The following FLNC variants were observed in gnomAD, a reference collection of about 807,000 sequenced individuals.
FLNC encodes the protein filamin C.
In FLNC, 91 loss-of-function variants were observed where a neutral mutation model predicts 254.3. The observed-to-expected ratio is 0.36, with a 90% CI of 0.30 to 0.43. The LOEUF (loss-of-function observed/expected upper bound fraction) is 0.43. FLNC is among the 20% of genes least tolerant of loss of function. The pLI, the probability that FLNC is intolerant of heterozygous loss-of-function variation, is 1.00. For synonymous variants in FLNC, 1,430 were observed against 1,577.2 expected, an observed-to-expected ratio of 0.91 and a Z score of 2.21; for missense variants, 2,853 against 3,802.6, an observed-to-expected ratio of 0.75 and a Z score of 6.57.
At chr7:128,853,309 G>T in intron 37 of FLNC, 160 bp from the exon 38 acceptor site, 1 of 882,092 alleles carries the variant, frequency 1.1e-6, no homozygotes, top group Non-Finnish European at 1.8e-6. Context: ...CAGACCGCCT[G>T]TCCCGTGGTG....
rs374135903 is a variant in FLNC at position 128,843,499 on chromosome 7, G to A, written c.2733G>A (p.Lys911=). Residue 911 remains lysine, a synonymous_variant, in exon 18 of 48, where the codon AAG becomes AAA. Transcript: ENST00000325888. ...ATGTGCAGTTTGCAGGGACAGCCAA[G>A]GGCGAGGTTGTGCGGGACTTTGAGA... ...KLDVQFAGTA[K]GEVVRDFEII... 4.2e-5 allele frequency: 67 copies of A among 1,614,064 alleles called. No individual in the cohort carries two copies. Among genetic ancestry groups the A allele is most frequent in the African/African-American group, 3.7e-4 (28 of 75,050 alleles).
In FLNC at chr7:128,854,771, C is replaced by G. The variant is rs2737393; in HGVS notation, c.6998-4C>G. On this transcript the variant is annotated splice_polypyrimidine_tract_variant and splice_region_variant and intron_variant, in intron 41 of 47. Transcript: ENST00000325888. ...CTGAAGTCCACTACCTTGCCTGTCC[C>G]CAGCCGAGTTCAGCATCTGGACCCG... The G allele has an allele frequency of 6.2e-7, 1 of 1,613,998 alleles. No individual in the cohort carries two copies. Among genetic ancestry groups the G allele is most frequent in the Admixed American group, 1.7e-5 (1 of 60,012 alleles).
chr7:128,851,747 G>C, intron 35 of FLNC, 119 bp downstream of exon 35: 1 of 982,306 alleles, frequency 1.0e-6, no homozygotes, highest in Non-Finnish European at 1.6e-6. Context: ...GCCCTTCAAG[G>C]TGTGAGGGGT....
chr7:128,838,155 T>C (rs1158878455), intron 6 of FLNC, 91 bp downstream of exon 6: 1 of 1,496,600 alleles, frequency 6.7e-7, no homozygotes, highest in Non-Finnish European at 9.3e-7. Context: ...ACCTCGCGCC[T>C]GCCCAGAGCC....
In FLNC at chr7:128,837,811, G is replaced by A. The variant is rs7787924; in HGVS notation, c.969+56G>A. ...TCACTTGGGATTGGAACCAGAGAGC[G>A]TGGGGCCAACAACAGGAATGGCCCG... is the stretch of plus-strand genomic sequence containing the variant. On this transcript the variant is annotated intron_variant, in intron 5 of 47. Coordinates refer to ENST00000325888, the MANE Select transcript of FLNC (RefSeq NM_001458.5). 0.062 allele frequency: 91,726 copies of A among 1,487,754 alleles called. 6,510 individuals are homozygous for A. Among genetic ancestry groups the A allele is most frequent in the East Asian group, 0.29 (11,900 of 40,930 alleles). 92.2% of individuals were successfully genotyped at this position (1,487,754 alleles called of 1,614,324 possible).
At position 128,858,759 on chromosome 7, in the gene FLNC, G is replaced by A. The variant is rs1049710835; in HGVS notation, c.*236G>A. On this transcript the variant is annotated 3_prime_UTR_variant, in exon 48 of 48. Transcript: ENST00000325888. This position sits in a 1 kb window ranked among gnomAD's most constrained non-coding sequence, Gnocchi z 6.7. ...TCCCTGGGAATGTGACATGAGGGCCGACTGGGGCCAGGCTCAGGGGCAGAG... is the reference window on the plus strand; with the variant it reads ...TCCCTGGGAATGTGACATGAGGGCCAACTGGGGCCAGGCTCAGGGGCAGAG... 144 of 569,204 alleles carry A rather than the reference G, an allele frequency of 2.5e-4. 1 individual carries two copies. Among genetic ancestry groups the A allele is most frequent in the Non-Finnish European group, 7.0e-5 (22 of 316,322 alleles). 35.3% of individuals were successfully genotyped at this position (569,204 alleles called of 1,614,324 possible).
chr7:128,830,505 C>T lies in FLNC; in HGVS notation c.-133C>T. 1.3e-6 allele frequency: 1 copy of T among 764,282 alleles called. No individual in the cohort carries two copies. The highest frequency in any genetic ancestry group is 2.1e-6 in the Non-Finnish European group (1 of 474,512). 47.3% of individuals were successfully genotyped at this position (764,282 alleles called of 1,614,324 possible). ...GAGCCTCGCCGAGCCCCGCCAGCCC[C>T]GGCGCGAGAGAAGTTGGAGAGGAGA... On this transcript the variant is annotated 5_prime_UTR_variant, in exon 1 of 48. Transcript: ENST00000325888.
chr7:128,830,495 C>A lies in FLNC; in HGVS notation c.-143C>A. The A allele has an allele frequency of 2.8e-6, 2 of 717,962 alleles. No homozygotes were observed. Among genetic ancestry groups the A allele is most frequent in the South Asian group, 1.8e-5 (1 of 54,098 alleles). The allele number at this position is 717,962 out of a possible 1,614,324, so 44.5% of individuals were successfully genotyped here. ...GAGGCCCGCCGAGCCTCGCCGAGCC[C>A]CGCCAGCCCCGGCGCGAGAGAAGTT... On this transcript the variant is annotated 5_prime_UTR_variant, in exon 1 of 48. Transcript: ENST00000325888.
At position 128,844,100 on chromosome 7, in the gene FLNC, G is replaced by A. The variant is rs375445167; in HGVS notation, c.3026G>A (p.Arg1009Gln). 1.1e-5 allele frequency: 18 copies of A among 1,613,938 alleles called. No homozygotes were observed. Among genetic ancestry groups the A allele is most frequent in the South Asian group, 3.3e-5 (3 of 91,076 alleles). ...LDVRMTSPSR[R>Q]PIPCKLEPGG... ...GTGCGGATGACTTCGCCCTCTCGCC[G>A]GCCCATCCCCTGCAAGCTGGAGCCA... The change falls in exon 20 of 48, where the codon CGG (arginine) becomes CAG (glutamine). Residue 1009 changes from arginine (R) to glutamine (Q), a missense_variant. Transcript: ENST00000325888.
Position 128,843,986 on chromosome 7 carries a change from C to CA in FLNC, c.2930-17dup. On this transcript the variant is annotated splice_polypyrimidine_tract_variant and intron_variant, in intron 19 of 47. Coordinates refer to ENST00000325888, the MANE Select transcript of FLNC (RefSeq NM_001458.5). ...GTGGACCGGAGTCTCCTCATGGTGT[C>CA]ACTTGCCCTCCACGCAGAGGTGGCT... is the stretch of plus-strand genomic sequence containing the variant. 2 of 1,614,132 alleles carry CA rather than the reference C, an allele frequency of 1.2e-6. No individual in the cohort carries two copies. The highest frequency in any genetic ancestry group is 1.7e-6 in the Non-Finnish European group (2 of 1,180,044).
At chr7:128,847,349 A>C (rs1418899490) in intron 24 of FLNC, among the ~76,000 whole-genome samples, 1 of 152,248 alleles carries the variant, frequency 6.6e-6, no homozygotes, top group African/African-American at 2.4e-5. Context: ...CTGAAATTGG[A>C]AATTTTTTCC....
In FLNC at chr7:128,842,615, T is replaced by G; in HGVS notation, c.2306T>G (p.Val769Gly). 1 of 1,549,814 alleles carries G rather than the reference T, an allele frequency of 6.5e-7. No homozygotes were observed. The highest frequency in any genetic ancestry group is 1.2e-5 in the South Asian group (1 of 84,032). ...GGCAGCCACCCCGAGCGGGTAAAGG[T>G]GTACGGCCCCGGAGTGGAGAAGACA... The part of the protein sequence containing the change: ...GEGSHPERVK[V>G]YGPGVEKTGL... Residue 769 changes from valine to glycine, a missense_variant, in exon 15 of 48, where the codon GTG becomes GGG. Physicochemically the swap from Val to Gly is moderately radical, Grantham distance 109. Transcript: ENST00000325888. This position sits in a 1 kb window ranked among gnomAD's most constrained non-coding sequence, Gnocchi z 5.4.
rs200624482 is a variant in FLNC, at chr7:128,846,204, A to G, written c.3964+41A>G. On this transcript the variant is annotated intron_variant, in intron 22 of 47. Transcript: ENST00000325888. ...CCAGGCTAGTGGGCAGGGCTGGGCA[A>G]GTGGGCAGGGCCGGGATCTGATGAT... The G allele has an allele frequency of 7.5e-5, 111 of 1,475,446 alleles. No homozygotes were observed. The highest frequency in any genetic ancestry group is 3.3e-4 in the African/African-American group (18 of 54,240). 91.4% of individuals were successfully genotyped at this position (1,475,446 alleles called of 1,614,324 possible).
chr7:128,851,201 G>T (rs1379555928), intron 33 of FLNC, 31 bp from the exon 34 acceptor site: 2 of 1,613,684 alleles, frequency 1.2e-6, no homozygotes, highest in South Asian at 2.2e-5. Context: ...CCCTGATGCT[G>T]ACCCAGCCCC....
At chr7:128,832,457 G>A (rs1807930363) in intron 1 of FLNC, among the ~76,000 whole-genome samples, 1 of 152,222 alleles carries the variant, frequency 6.6e-6, no homozygotes, top group Admixed American at 6.5e-5. Flanking sequence ...GTACCAGGTG[G>A]GGTCTGGGGG....
rs770615073 is a variant in FLNC, at chr7:128,838,366, C to G, written c.1147C>G (p.Pro383Ala). The change falls in exon 7 of 48, where the codon CCT becomes GCT. Residue 383 changes from proline (P) to alanine (A), a missense_variant. Pro to Ala is a conservative substitution (Grantham distance 27, BLOSUM62 -1). Coordinates refer to ENST00000325888, the MANE Select transcript of FLNC (RefSeq NM_001458.5). ...TGCCAACAAGGTGTCAGCCCGTGGCCCTGGCCTGGAACCTGTGGGCAATGT... is the reference window on the plus strand; with the variant it reads ...TGCCAACAAGGTGTCAGCCCGTGGCGCTGGCCTGGAACCTGTGGGCAATGT... ...GDANKVSARG[P>A]GLEPVGNVAN... 5.1e-5 allele frequency: 82 copies of G among 1,613,996 alleles called. No individual in the cohort carries two copies. In the Admixed American group the frequency reaches 1.4e-3, roughly 27 times the overall value.
chr7:128,849,982 G>T lies in FLNC; in HGVS notation c.5206G>T (p.Asp1736Tyr). The change falls in exon 31 of 48, where the codon GAC becomes TAC. Residue 1736 changes from aspartate to tyrosine, a missense_variant. This residue lies in a region of FLNC where 258 missense variants were observed against 312.3 expected (regional missense o/e 0.83). Coordinates refer to ENST00000325888, the MANE Select transcript of FLNC (RefSeq NM_001458.5). ...CCGTGCCTTGCCTCCCCAGGCGTGT[G>T]ACCCCCTGCCGCACGAGGAGGAGCC... ...PNSPFHVLAC[D>Y]PLPHEEEPSE... The T allele has an allele frequency of 6.3e-7, 1 of 1,588,224 alleles. No homozygotes were observed.
At position 128,851,217 on chromosome 7, in the gene FLNC, T is replaced by G; in HGVS notation, c.5540-15T>G. 6.2e-7 allele frequency: 1 copy of G among 1,613,840 alleles called. No individual in the cohort carries two copies. The highest frequency in any genetic ancestry group is 8.5e-7 in the Non-Finnish European group (1 of 1,179,982). On this transcript the variant is annotated splice_polypyrimidine_tract_variant and intron_variant, in intron 33 of 47. Coordinates refer to ENST00000325888, the MANE Select transcript of FLNC (RefSeq NM_001458.5). ...CCTGATGCTGACCCAGCCCCCTTTT[T>G]CTCTGTATCCCCAGGGAGCCCCTTA... is the stretch of plus-strand genomic sequence containing the variant.
At position 128,856,935 on chromosome 7, in the gene FLNC, G is replaced by A. The variant is rs375415189; in HGVS notation, c.7561+14G>A. The A allele has an allele frequency of 7.4e-6, 12 of 1,613,132 alleles. No individual in the cohort carries two copies. The African/African-American group carries it at 1.6e-4, about 21-fold the overall frequency. ...GAGGCACTACCGGTGAGTGCCTGGAGCTGGGGAACAGGGTGACTTCTGGGG... is the reference window on the plus strand; with the variant it reads ...GAGGCACTACCGGTGAGTGCCTGGAACTGGGGAACAGGGTGACTTCTGGGG... On this transcript the variant is annotated intron_variant, in intron 45 of 47. Transcript: ENST00000325888. This position sits in a 1 kb window ranked among gnomAD's most constrained non-coding sequence, Gnocchi z 5.9.
Sources: allele counts gnomAD v4.1 joint callset (sites outside exome capture counted in the v4.1 genomes callset), GRCh38; gene constraint gnomAD v4.1.1; regional missense constraint gnomAD v4.1.1; non-coding constraint Gnocchi (gnomAD v3.1); transcripts MANE v1.5; gene names NCBI Gene and HGNC (gene_info 2026-07-23, HGNC 2026-07-21).